The following FBLN7 variants were observed in gnomAD, a reference collection of about 807,000 sequenced individuals.
The protein encoded by FBLN7 is fibulin-7.
In FBLN7, 31 loss-of-function variants were observed where a neutral mutation model predicts 44.0. The observed-to-expected ratio is 0.70, with a 90% confidence interval of 0.53 to 0.95. FBLN7 has a LOEUF of 0.95. FBLN7 is among the 40% of genes least tolerant of loss of function. FBLN7 has a pLI of 0.00. For missense variants in FBLN7, 573 were observed against 618.5 expected, an observed-to-expected ratio of 0.93 and a Z score of 0.78; for synonymous variants, 262 against 253.4, an observed-to-expected ratio of 1.03 and a Z score of -0.32.
At chr2:112,160,760 G>GCGCA (rs1553475020) in intron 2 of FBLN7, among the ~76,000 whole-genome samples, 10 of 76,606 alleles carry the variant, frequency 1.3e-4, no homozygotes, top group African/African-American at 5.8e-4. Context: ...ACGCACACAC[G>GCGCA]CACGCACACG....
chr2:112,233,235 C>A, the FBLN7 span: 1 of 1,290,868 alleles, frequency 7.7e-7, no homozygotes, highest in South Asian at 1.4e-5. Flanking sequence ...TTTATAAAGT[C>A]ACCATATCTT....
intron 3 of FBLN7, among the ~76,000 whole-genome samples, chr2:112,170,875 G>C (rs1432855876): frequency 1.3e-5 from 2 of 152,226 alleles, no homozygotes; most frequent in East Asian, 3.9e-4. Flanking sequence ...TGGCAGCGGA[G>C]ATTCTAGGTA....
intron 1 of FBLN7, among the ~76,000 whole-genome samples, chr2:112,157,896 T>TAA (rs1441257203): frequency 6.6e-6 from 1 of 151,202 alleles, no homozygotes; most frequent in African/African-American, 2.4e-5. Flanking sequence ...TCCTGGTTCT[T>TAA]TGGTTCTTTT....
In FBLN7 at chr2:112,187,390, C is replaced by G. The variant is rs1157195664; in HGVS notation, c.1204C>G (p.Leu402Val). 14 of 1,614,176 alleles carry G rather than the reference C, an allele frequency of 8.7e-6. No homozygotes were observed. Among genetic ancestry groups the G allele is most frequent in the Non-Finnish European group, 1.2e-5 (14 of 1,180,036 alleles). ...TGGGGATCTGATCCTTGTGCAGAAC[C>G]TGGAGGGGCCTCAGACGCTGGAGGT... ...QTGDLILVQN[L>V]EGPQTLEVDV... The change falls in exon 8 of 8, where the codon CTG (leucine) becomes GTG (valine). Residue 402 changes from leucine to valine, a missense_variant. Transcript: ENST00000331203. This position sits in a 1 kb window ranked among gnomAD's most constrained non-coding sequence, Gnocchi z 5.1.
the FBLN7 span, among the ~76,000 whole-genome samples, chr2:112,199,714 T>C: frequency 6.6e-6 from 1 of 152,192 alleles, no homozygotes; most frequent in Admixed American, 6.5e-5. Context: ...TTAATCCCTC[T>C]GCCCTCATGA....
chr2:112,138,435 G>C lies in FBLN7; in HGVS notation c.-221G>C, dbSNP rs916394044. On this transcript the variant is annotated 5_prime_UTR_variant, in exon 1 of 8. Transcript: ENST00000331203. ...CGCCTCGCGCGGACTGTCTCGTGCGGGCAGCTGCGGGCGCACCTGGACCCT... is the reference window on the plus strand; with the variant it reads ...CGCCTCGCGCGGACTGTCTCGTGCGCGCAGCTGCGGGCGCACCTGGACCCT... 4 of 265,342 alleles carry C rather than the reference G, an allele frequency of 1.5e-5. No homozygotes were observed. Among genetic ancestry groups the C allele is most frequent in the Non-Finnish European group, 2.6e-5 (4 of 151,048 alleles). 16.4% of individuals were successfully genotyped at this position (265,342 alleles called of 1,614,324 possible). A position where few individuals can be genotyped will look rare whatever the true frequency, so the allele number is the denominator to read the frequency against.
intron 7 of FBLN7, among the ~76,000 whole-genome samples, chr2:112,185,998 CA>C (rs1683250524): frequency 6.6e-6 from 1 of 151,638 alleles, no homozygotes; most frequent in Non-Finnish European, 1.5e-5. Context: ...AATGAAGTAA[CA>C]GCCATGGAGG....
intron 3 of FBLN7, among the ~76,000 whole-genome samples, chr2:112,173,329 A>G (rs1442326428): frequency 6.6e-6 from 1 of 152,216 alleles, no homozygotes; most frequent in Non-Finnish European, 1.5e-5. Context: ...GAAATGCCGG[A>G]AAGACATGGC....
chr2:112,214,357 C>A, the FBLN7 span: 5 of 152,022 alleles, frequency 3.3e-5, no homozygotes, highest in Admixed American at 2.0e-4. Flanking sequence ...TAAAGACGGT[C>A]AAGGATAAAT....
the FBLN7 span, chr2:112,230,680 A>C: frequency 4.6e-6 from 1 of 215,468 alleles, no homozygotes; most frequent in African/African-American, 2.3e-5. Context: ...ACAAAGAAAC[A>C]CAAGAGGAGA....
At chr2:112,199,504 C>T in the FBLN7 span, among the ~76,000 whole-genome samples, 74 of 152,284 alleles carry the variant, frequency 4.9e-4, 1 homozygote, top group African/African-American at 1.7e-3. Context: ...CACCCACTCA[C>T]TCACACAGCC....
chr2:112,199,766 G>T, the FBLN7 span, among the ~76,000 whole-genome samples: 4 of 152,216 alleles, frequency 2.6e-5, no homozygotes, highest in Non-Finnish European at 5.9e-5. Flanking sequence ...GGATTAATGG[G>T]TTAATGAGGC....
the FBLN7 span, among the ~76,000 whole-genome samples, chr2:112,228,425 C>T: frequency 6.6e-6 from 1 of 151,458 alleles, no homozygotes; most frequent in Non-Finnish European, 1.5e-5. Flanking sequence ...TCACTTGAAC[C>T]TGGGAGGCAG....
rs1459334133 is a variant in FBLN7 at position 112,153,616 on chromosome 2, G to T, written c.76-6060G>T. On this transcript the variant is annotated intron_variant, in intron 1 of 7. Coordinates refer to ENST00000331203, the MANE Select transcript of FBLN7 (RefSeq NM_153214.3). ...CGGAGTGAGCCCAAACAGCATGGGGGCCTGGATGGGATGAGAGGGGTCAGG... is the reference window on the plus strand; with the variant it reads ...CGGAGTGAGCCCAAACAGCATGGGGTCCTGGATGGGATGAGAGGGGTCAGG... Among the ~76,000 whole-genome samples, 3 of 152,202 alleles carry T rather than the reference G, an allele frequency of 2.0e-5. No homozygotes were observed. In the East Asian group the frequency reaches 5.8e-4, roughly 29 times the overall value.
At chr2:112,237,310 T>C in the FBLN7 span, among the ~76,000 whole-genome samples, 5 of 152,348 alleles carry the variant, frequency 3.3e-5, no homozygotes, top group African/African-American at 1.2e-4. Flanking sequence ...CCTTTTGAAG[T>C]GTTCAGAGTA....
intron 1 of FBLN7, among the ~76,000 whole-genome samples, chr2:112,153,865 T>C (rs1023051662): frequency 6.6e-6 from 1 of 152,148 alleles, no homozygotes; most frequent in Non-Finnish European, 1.5e-5. Context: ...GGAGGGGAGA[T>C]GGACAAGAAT....
At chr2:112,243,703 TACATA>T in the FBLN7 span, among the ~76,000 whole-genome samples, 10 of 152,138 alleles carry the variant, frequency 6.6e-5, no homozygotes, top group South Asian at 2.1e-4. Context: ...TATAAATACG[TACATA>T]ACATCCTCAA....
rs564885174 is a variant in FBLN7, at chr2:112,181,680, A to C, written c.533-59A>C. 172 of 1,346,576 alleles carry C rather than the reference A, an allele frequency of 1.3e-4. No individual in the cohort carries two copies. The East Asian group carries it at 4.2e-3, about 33-fold the overall frequency. The allele number at this position is 1,346,576 out of a possible 1,614,324, so 83.4% of individuals were successfully genotyped here. The stretch of plus-strand genomic sequence containing the variant: ...TGGTTCTGCTCCCGGCCCCTACCCA[A>C]GGTCGGGCCCACGGCAGGTGCGCCA... On this transcript the variant is annotated intron_variant, in intron 4 of 7. Transcript: ENST00000331203.
the FBLN7 span, among the ~76,000 whole-genome samples, chr2:112,194,397 A>G: frequency 6.6e-6 from 1 of 152,156 alleles, no homozygotes; most frequent in Non-Finnish European, 1.5e-5. Context: ...TGACTTCCTC[A>G]TATCTCTCCT....
Sources: allele counts gnomAD v4.1 joint callset (sites outside exome capture counted in the v4.1 genomes callset), GRCh38; gene constraint gnomAD v4.1.1; non-coding constraint Gnocchi (gnomAD v3.1); transcripts MANE v1.5; gene names NCBI Gene and HGNC (gene_info 2026-07-23, HGNC 2026-07-21).